Variants in AATF observed in about 807,000 individuals in gnomAD.
The protein encoded by AATF is protein AATF.
AATF carries 48 observed loss-of-function variants against 63.7 expected under a neutral mutation model. That is an observed-to-expected ratio of 0.75 (90% confidence interval 0.60 to 0.96). The LOEUF (loss-of-function observed/expected upper bound fraction) is 0.96, where lower values mean the gene tolerates loss of function less well. Ranked by LOEUF, AATF falls within the 40% of genes least tolerant of loss-of-function variation. The probability of loss-of-function intolerance (pLI) is 0.00; values close to 1 mark genes in which losing one functional copy is unlikely to be tolerated. For synonymous variants in AATF, 258 were observed against 247.7 expected (o/e 1.04, Z -0.39); for missense variants, 639 against 685.7 (o/e 0.93, Z 0.76).
intron 11 of AATF, chr17:37,055,898 C>T (rs2071794426): frequency 6.6e-6 from 1 of 152,318 alleles, no homozygotes. Flanking sequence ...ACCCACACCC[C>T]TTTTAGGTTT....
At chr17:37,026,047 TACA>T (rs901028407) in intron 10 of AATF, among the ~76,000 whole-genome samples, 1 of 152,220 alleles carries the variant, frequency 6.6e-6, no homozygotes, top group African/African-American at 2.4e-5. Flanking sequence ...AGTAGAAAGA[TACA>T]ACATCATTTC....
At chr17:37,046,790 G>A (rs1279732376) in intron 11 of AATF, among the ~76,000 whole-genome samples, 1 of 150,500 alleles carries the variant, frequency 6.6e-6, no homozygotes. Flanking sequence ...CACGCCCTGG[G>A]TTGTTGGGCA....
At chr17:36,974,035 C>G (rs952797337) in intron 4 of AATF, among the ~76,000 whole-genome samples, 5 of 150,496 alleles carry the variant, frequency 3.3e-5, no homozygotes, top group African/African-American at 1.2e-4. Flanking sequence ...TGCCACTGCA[C>G]TCCAGCCTGG....
chr17:37,048,047 T>G (rs1260254725), intron 11 of AATF, among the ~76,000 whole-genome samples: 1 of 152,190 alleles, frequency 6.6e-6, no homozygotes, highest in Non-Finnish European at 1.5e-5. Context: ...CCCCTTTACC[T>G]CCTTTCTTCT....
intron 11 of AATF, among the ~76,000 whole-genome samples, chr17:37,039,974 T>C (rs977100284): frequency 4.6e-5 from 7 of 152,218 alleles, no homozygotes; most frequent in African/African-American, 1.7e-4. Context: ...ATAGTTCTCA[T>C]TTCTGCACTT....
intron 4 of AATF, among the ~76,000 whole-genome samples, chr17:36,969,819 C>A (rs903965840): frequency 3.9e-5 from 6 of 152,142 alleles, no homozygotes; most frequent in African/African-American, 1.4e-4. Context: ...CTGGCCTTCC[C>A]TATTTGTCCC....
intron 4 of AATF, among the ~76,000 whole-genome samples, chr17:36,976,958 ACT>A (rs2071084325): frequency 6.6e-6 from 1 of 152,176 alleles, no homozygotes; most frequent in Non-Finnish European, 1.5e-5. Flanking sequence ...GTTTTGAGAC[ACT>A]CTAAGATAAT....
At chr17:37,015,795 G>C (rs562701943) in intron 8 of AATF, among the ~76,000 whole-genome samples, 1 of 152,278 alleles carries the variant, frequency 6.6e-6, no homozygotes, top group East Asian at 1.9e-4. Flanking sequence ...CTACAAATGA[G>C]GTGGGAGAAA....
intron 8 of AATF, among the ~76,000 whole-genome samples, chr17:36,995,663 G>T (rs1004325522): frequency 1.3e-5 from 2 of 152,030 alleles, no homozygotes. Context: ...GACCTCCTGG[G>T]CTCAAGCAAT....
intron 4 of AATF, among the ~76,000 whole-genome samples, chr17:36,981,982 C>T (rs2071129174): frequency 6.6e-6 from 1 of 152,044 alleles, no homozygotes; most frequent in South Asian, 2.1e-4. Context: ...TGAAACTCAA[C>T]CCATTAAACA....
chr17:36,982,263 T>A (rs1480091783), intron 4 of AATF, among the ~76,000 whole-genome samples: 1 of 151,482 alleles, frequency 6.6e-6, no homozygotes, highest in Non-Finnish European at 1.5e-5. Context: ...TAGGCTCAGT[T>A]TGAAGCATTA....
intron 8 of AATF, among the ~76,000 whole-genome samples, chr17:37,013,437 G>T (rs998807015): frequency 6.6e-6 from 1 of 152,214 alleles, no homozygotes; most frequent in Non-Finnish European, 1.5e-5. Flanking sequence ...CTGCTGCTGG[G>T]AATTTTGGGC....
intron 4 of AATF, among the ~76,000 whole-genome samples, chr17:36,983,629 G>A (rs1014753953): frequency 6.6e-6 from 1 of 152,170 alleles, no homozygotes; most frequent in African/African-American, 2.4e-5. Flanking sequence ...GGGATTACAG[G>A]TGTGAGCCAC....
At chr17:37,016,643 G>T (rs1208907528) in intron 8 of AATF, among the ~76,000 whole-genome samples, 1 of 151,656 alleles carries the variant, frequency 6.6e-6, no homozygotes, top group Admixed American at 6.6e-5. Context: ...AGGTTTATTT[G>T]TAAAGTTAAA....
chr17:36,987,693 C>CA (rs2071179935), intron 5 of AATF, among the ~76,000 whole-genome samples: 1 of 152,206 alleles, frequency 6.6e-6, no homozygotes. Flanking sequence ...ATGGCAGTTG[C>CA]ATAGATGGCA....
At chr17:36,953,340 G>T (rs779632893) in intron 3 of AATF, 44 bp downstream of exon 3, 3 of 1,578,914 alleles carry the variant, frequency 1.9e-6, no homozygotes, top group Non-Finnish European at 2.6e-6. Context: ...CAAAGTATCT[G>T]CATTTGGTCT....
chr17:37,003,385 C>G (rs1168440711), intron 8 of AATF, among the ~76,000 whole-genome samples: 1 of 150,792 alleles, frequency 6.6e-6, no homozygotes, highest in African/African-American at 2.4e-5. Context: ...AATCTTCATG[C>G]TGCAGGTAGA....
intron 11 of AATF, chr17:37,054,474 C>G (rs2071780702): frequency 2.0e-5 from 3 of 152,212 alleles, no homozygotes. Flanking sequence ...GATATTCTCT[C>G]TCTCTGAAAA....
rs767519701 is a variant in AATF at position 37,056,578 on chromosome 17, A to G, written c.1620-23A>G. Reference sequence around the variant, plus strand: ...TGAATAGTGAACCAGTGTGTTAACCAGTTTGCTGTGTTTGTCTTTTAGGAC... The same window carrying G: ...TGAATAGTGAACCAGTGTGTTAACCGGTTTGCTGTGTTTGTCTTTTAGGAC... On this transcript the variant is annotated intron_variant, in intron 11 of 11. Transcript: ENST00000619387. The G allele has an allele frequency of 2.7e-5, 44 of 1,613,634 alleles. No individual in the cohort carries two copies. The Admixed American group carries it at 7.2e-4, about 26-fold the overall frequency.
Sources: gnomAD v4.1 joint callset for allele counts (sites outside exome capture counted in the v4.1 genomes callset) on GRCh38, gnomAD v4.1.1 for gene constraint, MANE v1.5 for transcripts, NCBI Gene and HGNC (gene_info 2026-07-23, HGNC 2026-07-21) for gene names.